The following SFRP1 variants were observed in gnomAD, a reference collection of about 807,000 sequenced individuals.
SFRP1 encodes secreted frizzled-related protein 1.
In SFRP1, 9 loss-of-function variants were observed where a neutral mutation model predicts 25.9. The ratio of observed to expected loss-of-function variants is 0.35; its 90% CI spans 0.21 to 0.61. SFRP1 has a LOEUF of 0.61. Among genes scored for constraint, SFRP1 ranks in the 20% least tolerant of loss-of-function variants. SFRP1 has a pLI of 0.78. For synonymous variants in SFRP1, 178 were observed against 174.0 expected, an observed-to-expected ratio of 1.02 and a Z score of -0.18; for missense variants, 346 against 418.2, an observed-to-expected ratio of 0.83 and a Z score of 1.51.
At chr8:41,298,786 G>A (rs1803874722) in intron 2 of SFRP1, among the ~76,000 whole-genome samples, 1 of 152,042 alleles carries the variant, frequency 6.6e-6, no homozygotes, top group African/African-American at 2.4e-5. Context: ...ATAAATATGT[G>A]CAACTATTTT....
At chr8:41,303,083 C>T (rs1019483858) in intron 2 of SFRP1, among the ~76,000 whole-genome samples, 5 of 150,464 alleles carry the variant, frequency 3.3e-5, no homozygotes, top group East Asian at 1.9e-4. Flanking sequence ...AGAGCCAGTC[C>T]GGAAAAAACC....
chr8:41,296,958 T>C (rs1399505271), intron 2 of SFRP1, among the ~76,000 whole-genome samples: 1 of 152,172 alleles, frequency 6.6e-6, no homozygotes, highest in African/African-American at 2.4e-5. Flanking sequence ...AACTTCTAGT[T>C]AGGGTTTGGC....
Position 41,283,928 on chromosome 8 carries a change from G to A in SFRP1, c.623-18439C>T, listed in dbSNP as rs182081237. Reference sequence around the variant, plus strand: ...TAACACAAAGAGTTGATTAGAGCTTGTTACTTTGCTCAGCCTGACTGTTCC... The same window carrying A: ...TAACACAAAGAGTTGATTAGAGCTTATTACTTTGCTCAGCCTGACTGTTCC... On this transcript the variant is annotated intron_variant, in intron 2 of 2. Coordinates refer to ENST00000220772, the MANE Select transcript of SFRP1 (RefSeq NM_003012.5). Among the ~76,000 whole-genome samples, 291 of 152,244 alleles carry A rather than the reference G, an allele frequency of 1.9e-3. 1 individual carries two copies. The highest frequency in any genetic ancestry group is 6.7e-3 in the African/African-American group (280 of 41,556).
In SFRP1 at chr8:41,290,876, TC is replaced by T. The variant is rs1803768029; in HGVS notation, c.622+12584del. Among the ~76,000 whole-genome samples the T allele has an allele frequency of 6.9e-5, 9 of 129,808 alleles. 1 individual carries two copies. The highest frequency in any genetic ancestry group is 1.1e-4 in the African/African-American group (4 of 35,568). The allele number at this position is 129,808 out of a possible 152,430, so 85.2% of individuals were successfully genotyped here. On this transcript the variant is annotated intron_variant, in intron 2 of 2. Transcript: ENST00000220772. Reference sequence around the variant, plus strand: ...TGAGGTCTTTGTCTTCTTCTCCTCCTCTTCCTCGTCTTTTTTTTTTTTTTTT... The same window carrying T: ...TGAGGTCTTTGTCTTCTTCTCCTCCTTTCCTCGTCTTTTTTTTTTTTTTTT...
At chr8:41,269,249 A>G (rs1036118590) in intron 2 of SFRP1, among the ~76,000 whole-genome samples, 4 of 152,154 alleles carry the variant, frequency 2.6e-5, no homozygotes, top group African/African-American at 9.7e-5. Context: ...AAACCAAACA[A>G]AAAAATTTTA....
intron 2 of SFRP1, among the ~76,000 whole-genome samples, chr8:41,266,556 C>A (rs967950340): frequency 6.6e-6 from 1 of 151,938 alleles, no homozygotes; most frequent in Non-Finnish European, 1.5e-5. Context: ...CCACCTCAGC[C>A]TCCCAAGTAC....
chr8:41,262,788 C>T lies in SFRP1; in HGVS notation c.*2379G>A, dbSNP rs766595673. The T allele has an allele frequency of 6.6e-6, 1 of 152,208 alleles. No homozygotes were observed. Among genetic ancestry groups the T allele is most frequent in the Non-Finnish European group, 1.5e-5 (1 of 68,046 alleles). The allele number at this position is 152,208 out of a possible 1,614,324, so 9.4% of individuals were successfully genotyped here. A position where few individuals can be genotyped will look rare whatever the true frequency, so the allele number is the denominator to read the frequency against. On this transcript the variant is annotated 3_prime_UTR_variant, in exon 3 of 3. Coordinates refer to ENST00000220772, the MANE Select transcript of SFRP1 (RefSeq NM_003012.5). The stretch of plus-strand genomic sequence containing the variant: ...AAAACAAAGGCTCGTGATAGTGCAG[C>T]TCTGTGCCTACAGAGAGCCTCCCTT...
intron 1 of SFRP1, chr8:41,307,069 C>T (rs898998526): frequency 7.3e-7 from 1 of 1,369,440 alleles, no homozygotes; most frequent in South Asian, 1.6e-5. Context: ...CCTCACAGGG[C>T]AGGGCTGGGC....
intron 2 of SFRP1, among the ~76,000 whole-genome samples, chr8:41,298,791 T>A (rs1182773183): frequency 2.0e-5 from 3 of 152,142 alleles, no homozygotes; most frequent in Admixed American, 2.0e-4. Context: ...TATGTGCAAC[T>A]ATTTTGTATC....
At chr8:41,276,263 C>G (rs1803571277) in intron 2 of SFRP1, among the ~76,000 whole-genome samples, 1 of 152,186 alleles carries the variant, frequency 6.6e-6, no homozygotes, top group Non-Finnish European at 1.5e-5. Flanking sequence ...CTTGGGTAAC[C>G]CTGAGGTCTG....
rs143352689 is a variant in SFRP1 at position 41,298,563 on chromosome 8, T to C, written c.622+4898A>G. On this transcript the variant is annotated intron_variant, in intron 2 of 2. Coordinates refer to ENST00000220772, the MANE Select transcript of SFRP1 (RefSeq NM_003012.5). ...CTGGGACTACAGGTGCATGACACCA[T>C]GCCCAGTTAATATTTAATTTTTAAT... 4.7e-3 allele frequency among the ~76,000 whole-genome samples: 719 copies of C among 152,196 alleles called. 4 individuals are homozygous for C. The highest frequency in any genetic ancestry group is 0.016 in the African/African-American group (675 of 41,518).
At position 41,294,555 on chromosome 8, in the gene SFRP1, T is replaced by G. The variant is rs78312360; in HGVS notation, c.622+8906A>C. 5.8e-3 allele frequency among the ~76,000 whole-genome samples: 883 copies of G among 152,266 alleles called. 12 individuals are homozygous for G. Among genetic ancestry groups the G allele is most frequent in the African/African-American group, 0.02 (847 of 41,552 alleles). ...CCAAAGTACTATTTTGGCATCTCTTTACAACTCACAGACATCCTTTCAGAA... is the reference window on the plus strand; with the variant it reads ...CCAAAGTACTATTTTGGCATCTCTTGACAACTCACAGACATCCTTTCAGAA... On this transcript the variant is annotated intron_variant, in intron 2 of 2. Coordinates refer to ENST00000220772, the MANE Select transcript of SFRP1 (RefSeq NM_003012.5).
chr8:41,292,523 G>A (rs1803790690), intron 2 of SFRP1, among the ~76,000 whole-genome samples: 1 of 152,160 alleles, frequency 6.6e-6, no homozygotes, highest in Non-Finnish European at 1.5e-5. Context: ...CCAGCCATGT[G>A]GACCTGTGAG....
chr8:41,276,738 ACAG>A (rs1563360532), intron 2 of SFRP1, among the ~76,000 whole-genome samples: 1 of 152,240 alleles, frequency 6.6e-6, no homozygotes, highest in African/African-American at 2.4e-5. Flanking sequence ...AAAACAAAAA[ACAG>A]CAGATGTGGA....
At chr8:41,278,737 C>T (rs1246521084) in intron 2 of SFRP1, among the ~76,000 whole-genome samples, 1 of 152,234 alleles carries the variant, frequency 6.6e-6, no homozygotes, top group African/African-American at 2.4e-5. Flanking sequence ...CCCGGAAAAA[C>T]ACCTGACACA....
intron 2 of SFRP1, among the ~76,000 whole-genome samples, chr8:41,270,387 A>C (rs1418261829): frequency 6.6e-6 from 1 of 152,236 alleles, no homozygotes; most frequent in Non-Finnish European, 1.5e-5. Context: ...TGGATGGTAG[A>C]ATCTGGCTTA....
intron 2 of SFRP1, among the ~76,000 whole-genome samples, chr8:41,287,078 T>C (rs1278873348): frequency 6.6e-6 from 1 of 152,206 alleles, no homozygotes; most frequent in Non-Finnish European, 1.5e-5. Flanking sequence ...CCTGCCCCTC[T>C]GCTGAACAAG....
intron 2 of SFRP1, among the ~76,000 whole-genome samples, chr8:41,284,846 GCA>G: frequency 6.6e-6 from 1 of 152,342 alleles, no homozygotes; most frequent in Non-Finnish European, 1.5e-5. Context: ...CCCCCAGGCT[GCA>G]AGGCCAAGGC....
intron 2 of SFRP1, among the ~76,000 whole-genome samples, chr8:41,285,360 G>A (rs972052095): frequency 6.6e-6 from 1 of 151,984 alleles, no homozygotes; most frequent in East Asian, 1.9e-4. Context: ...ACTCATTTCC[G>A]GAAGGGTGAT....
Sources: allele counts gnomAD v4.1 joint callset (sites outside exome capture counted in the v4.1 genomes callset), GRCh38; gene constraint gnomAD v4.1.1; transcripts MANE v1.5; gene names NCBI Gene and HGNC (gene_info 2026-07-23, HGNC 2026-07-21).